IGF2BP3: variants seen among roughly 807,000 people sequenced by gnomAD.
The protein encoded by IGF2BP3 is insulin like growth factor 2 mRNA binding protein 3.
In IGF2BP3, 9 loss-of-function variants were observed where a neutral mutation model predicts 73.8. The observed-to-expected ratio is 0.12, with a 90% CI of 0.07 to 0.21. IGF2BP3 has a LOEUF of 0.21. IGF2BP3 is among the 10% of genes least tolerant of loss of function. IGF2BP3 has a pLI of 1.00. For synonymous variants in IGF2BP3, 258 were observed against 256.7 expected, an observed-to-expected ratio of 1.01 and a Z score of -0.05; for missense variants, 542 against 714.0, an observed-to-expected ratio of 0.76 and a Z score of 2.75.
chr7:23,321,561 G>A (rs1784152117), intron 10 of IGF2BP3, among the ~76,000 whole-genome samples: 1 of 152,234 alleles, frequency 6.6e-6, no homozygotes, highest in African/African-American at 2.4e-5. Context: ...CGAACTGGGT[G>A]GAGCCCACCA....
chr7:23,343,423 T>G (rs554241883), intron 9 of IGF2BP3, among the ~76,000 whole-genome samples: 1 of 152,272 alleles, frequency 6.6e-6, no homozygotes, highest in Non-Finnish European at 1.5e-5. Flanking sequence ...TCTCTCAAAT[T>G]AACATTGTAA....
At chr7:23,446,422 G>A (rs1490130053) in intron 2 of IGF2BP3, among the ~76,000 whole-genome samples, 2 of 152,032 alleles carry the variant, frequency 1.3e-5, no homozygotes, top group Admixed American at 1.3e-4. Flanking sequence ...AATTAGCTGG[G>A]CATGGTGGCG....
intron 3 of IGF2BP3, among the ~76,000 whole-genome samples, chr7:23,401,136 TC>T (rs1247843306): frequency 6.6e-6 from 1 of 152,170 alleles, no homozygotes; most frequent in Non-Finnish European, 1.5e-5. Flanking sequence ...AGAAATGGTC[TC>T]CTTTTAAAAA....
chr7:23,322,242 GA>G (rs1284716237), intron 10 of IGF2BP3, among the ~76,000 whole-genome samples: 1 of 152,208 alleles, frequency 6.6e-6, no homozygotes, highest in Non-Finnish European at 1.5e-5. Flanking sequence ...TGATGGAGCT[GA>G]AAACCAAGGC....
rs1784725043 is a variant in IGF2BP3 at position 23,342,044 on chromosome 7, GC to G, written c.1203+19del. 6.5e-7 allele frequency: 1 copy of G among 1,542,734 alleles called. No individual in the cohort carries two copies. The highest frequency in any genetic ancestry group is 8.7e-7 in the Non-Finnish European group (1 of 1,151,776). On this transcript the variant is annotated intron_variant, in intron 10 of 14. Coordinates refer to ENST00000258729, the MANE Select transcript of IGF2BP3 (RefSeq NM_006547.3). ...AAGATTTTGCCCAATCACAAAGAAA[GC>G]CAAGGCCAGTTATCTTACCTCAAAC...
At chr7:23,424,774 T>C (rs908656640) in intron 2 of IGF2BP3, among the ~76,000 whole-genome samples, 5 of 152,258 alleles carry the variant, frequency 3.3e-5, no homozygotes, top group Admixed American at 2.6e-4. Flanking sequence ...TAAGAGCCAA[T>C]AGAGCAGCTC....
At chr7:23,441,968 T>C (rs1787946470) in intron 2 of IGF2BP3, among the ~76,000 whole-genome samples, 1 of 151,836 alleles carries the variant, frequency 6.6e-6, no homozygotes, top group African/African-American at 2.4e-5. Context: ...CTACTAAAAA[T>C]ACAAAAAAAT....
chr7:23,451,677 G>A (rs1562760787), intron 2 of IGF2BP3, among the ~76,000 whole-genome samples: 1 of 152,096 alleles, frequency 6.6e-6, no homozygotes, highest in South Asian at 2.1e-4. Context: ...GGCTGGGCAC[G>A]GTGGCTCACG....
At chr7:23,329,058 C>A (rs554643849) in intron 10 of IGF2BP3, among the ~76,000 whole-genome samples, 36 of 151,874 alleles carry the variant, frequency 2.4e-4, no homozygotes, top group African/African-American at 8.0e-4. Context: ...AAAAGAAATA[C>A]AAAAATTAGC....
chr7:23,396,444 T>C (rs1786467744), intron 3 of IGF2BP3: 2 of 177,660 alleles, frequency 1.1e-5, no homozygotes, highest in South Asian at 2.5e-4. Context: ...CAATGCTAAG[T>C]CAAATAATGA....
intron 10 of IGF2BP3, among the ~76,000 whole-genome samples, chr7:23,333,771 T>C (rs886860143): frequency 3.3e-5 from 5 of 152,228 alleles, no homozygotes; most frequent in African/African-American, 1.2e-4. Context: ...GATGCTGCCC[T>C]AGAATGACAG....
At chr7:23,342,309 A>G in intron 9 of IGF2BP3, 120 bp from the exon 10 acceptor site, 1 of 1,089,984 alleles carries the variant, frequency 9.2e-7, no homozygotes, top group East Asian at 2.6e-5. Context: ...TGTATAACTC[A>G]AAGCAGATGT....
chr7:23,398,739 T>G (rs1052731873), intron 3 of IGF2BP3, among the ~76,000 whole-genome samples: 87 of 152,328 alleles, frequency 5.7e-4, no homozygotes, highest in Non-Finnish European at 1.0e-3. Context: ...TCATATCCTT[T>G]GCCCACTTTT....
chr7:23,380,157 CTTTTTTTTT>C (rs10571084), intron 3 of IGF2BP3, among the ~76,000 whole-genome samples: 15 of 71,768 alleles, frequency 2.1e-4, no homozygotes, highest in East Asian at 4.8e-4. Flanking sequence ...CACTATGCCT[CTTTTTTTTT>C]TTTTTTTTTT....
intron 2 of IGF2BP3, among the ~76,000 whole-genome samples, chr7:23,419,515 A>G (rs1277804714): frequency 1.3e-5 from 2 of 152,224 alleles, no homozygotes; most frequent in Non-Finnish European, 2.9e-5. Context: ...TACATTTTAA[A>G]ATAATTGGTT....
chr7:23,416,331 C>T (rs546500051), intron 3 of IGF2BP3: 1 of 152,316 alleles, frequency 6.6e-6, no homozygotes, highest in African/African-American at 2.4e-5. Context: ...TACTATAGTG[C>T]TTTTTTGTTA....
Position 23,449,554 on chromosome 7 carries a change from CTT to C in IGF2BP3, c.236+18926_236+18927del, listed in dbSNP as rs376571131. ...ACAATTTTTTTTCCTTTTTCTTTTT[CTT>C]TTTTTTTTTTTTTTTTTTTTGAGAG... On this transcript the variant is annotated intron_variant, in intron 2 of 14. Coordinates refer to ENST00000258729, the MANE Select transcript of IGF2BP3 (RefSeq NM_006547.3). Among the ~76,000 whole-genome samples the C allele has an allele frequency of 4.8e-3, 512 of 106,888 alleles. 6 individuals carry two copies. The highest frequency in any genetic ancestry group is 0.015 in the African/African-American group (431 of 28,558). The allele number at this position is 106,888 out of a possible 152,430, so 70.1% of individuals were successfully genotyped here. A position where few individuals can be genotyped will look rare whatever the true frequency, so the allele number is the denominator to read the frequency against.
At chr7:23,386,234 C>A (rs1047422018) in intron 3 of IGF2BP3, among the ~76,000 whole-genome samples, 9 of 152,290 alleles carry the variant, frequency 5.9e-5, no homozygotes, top group Non-Finnish European at 1.3e-4. Context: ...CGTGCTGGCT[C>A]ACACCTCTAA....
intron 3 of IGF2BP3, among the ~76,000 whole-genome samples, chr7:23,368,133 CT>C (rs1785433431): frequency 6.6e-6 from 1 of 152,056 alleles, no homozygotes; most frequent in Non-Finnish European, 1.5e-5. Flanking sequence ...TCATAATAGT[CT>C]GAAGTAGAAA....
Sources: gnomAD v4.1 joint callset for allele counts (sites outside exome capture counted in the v4.1 genomes callset) on GRCh38, gnomAD v4.1.1 for gene constraint, MANE v1.5 for transcripts, NCBI Gene and HGNC (gene_info 2026-07-23, HGNC 2026-07-21) for gene names.